The following TET2 variants were observed in gnomAD, a reference collection of about 807,000 sequenced individuals.
TET2 encodes the protein tet methylcytosine dioxygenase 2.
Under a neutral mutation model 142.9 loss-of-function variants are expected in TET2, and 299 were observed. The ratio of observed to expected loss-of-function variants is 2.09; its 90% CI spans 1.90 to 2.30. TET2 has a LOEUF of 2.30. Among genes scored for constraint, TET2 ranks in the 30% most tolerant of loss-of-function variants. The pLI is 0.00. For synonymous variants in TET2, 819 were observed against 849.0 expected, an observed-to-expected ratio of 0.96 and a Z score of 0.61; for missense variants, 2,418 against 2,378.0, an observed-to-expected ratio of 1.02 and a Z score of -0.35.
Position 105,235,323 on chromosome 4 carries a change from C to T in TET2, c.1381C>T (p.Gln461Ter). Residue 461 changes from glutamine to a stop codon, truncating the protein, a stop_gained, in exon 3 of 11, where the codon CAG (glutamine) becomes TAG (stop). Coordinates refer to ENST00000380013, the MANE Select transcript of TET2 (RefSeq NM_001127208.3). LOFTEE classifies it high-confidence loss of function. ...GGGTAAACCTGAGGCACCACCTTCCCAGAGTCCTAATCCATCTACACATGT... is the reference window on the plus strand; with the variant it reads ...GGGTAAACCTGAGGCACCACCTTCCTAGAGTCCTAATCCATCTACACATGT... Reference protein sequence around the residue: ...IEGKPEAPPSQSPNPSTHVCS... With the variant: ...IEGKPEAPPS The T allele has an allele frequency of 1.2e-6, 2 of 1,614,070 alleles. No individual in the cohort carries two copies. Among genetic ancestry groups the T allele is most frequent in the Non-Finnish European group, 1.7e-6 (2 of 1,179,990 alleles).
At chr4:105,163,852 AGAGTGTGTGTGTGT>A (rs1724008147) in intron 1 of TET2, among the ~76,000 whole-genome samples, 2 of 105,814 alleles carry the variant, frequency 1.9e-5, no homozygotes, top group Non-Finnish European at 4.0e-5. Context: ...AGAGAGAGAG[AGAGTGTGTGTGTGT>A]GTGTGTGTGT....
intron 3 of TET2, chr4:105,239,795 G>T (rs1166787633): frequency 4.4e-6 from 1 of 229,778 alleles, no homozygotes; most frequent in East Asian, 6.2e-5. Context: ...AGCCTGTCTT[G>T]GCTTTTGACA....
chr4:105,193,026 A>G (rs1351041908), intron 2 of TET2, among the ~76,000 whole-genome samples: 1 of 152,208 alleles, frequency 6.6e-6, no homozygotes, highest in African/African-American at 2.4e-5. Flanking sequence ...GAATCACAGT[A>G]TCTTATACAT....
rs1190585048 is a variant in TET2 at position 105,243,666 on chromosome 4, C to T, written c.3691C>T (p.Leu1231=). The T allele has an allele frequency of 1.3e-6, 2 of 1,551,570 alleles. No homozygotes were observed. The highest frequency in any genetic ancestry group is 1.7e-4 in the Middle Eastern group (1 of 5,990). Residue 1231 remains leucine, a synonymous_variant, in exon 6 of 11, where the codon CTG becomes TTG. Transcript: ENST00000380013. ...GGCTGCAGTGATTGTGATTCTCATCCTGGTGTGGGAAGGAATCCCGCTGTC... is the reference window on the plus strand; with the variant it reads ...GGCTGCAGTGATTGTGATTCTCATCTTGGTGTGGGAAGGAATCCCGCTGTC... ...CEAAVIVILI[L]VWEGIPLSLA... is the part of the protein sequence containing the mutation.
chr4:105,179,720 G>C (rs1202799079), intron 1 of TET2, among the ~76,000 whole-genome samples: 1 of 152,116 alleles, frequency 6.6e-6, no homozygotes, highest in Admixed American at 6.5e-5. Context: ...GGCTCTCTAG[G>C]TGACCTGTGT....
chr4:105,270,792 C>G (rs2110303089), intron 9 of TET2, among the ~76,000 whole-genome samples: 1 of 151,994 alleles, frequency 6.6e-6, no homozygotes, highest in Non-Finnish European at 1.5e-5. Context: ...GTTGAAAAAA[C>G]TATGAATCAA....
chr4:105,219,394 G>A (rs189337110), intron 2 of TET2, among the ~76,000 whole-genome samples: 1 of 152,234 alleles, frequency 6.6e-6, no homozygotes, highest in Admixed American at 6.5e-5. Flanking sequence ...AACATAGATG[G>A]CATGCCTTTT....
At chr4:105,212,551 A>T (rs1002430763) in intron 2 of TET2, among the ~76,000 whole-genome samples, 1 of 152,184 alleles carries the variant, frequency 6.6e-6, no homozygotes, top group Non-Finnish European at 1.5e-5. Flanking sequence ...TGCATACTAA[A>T]TCAAATTTGA....
intron 2 of TET2, among the ~76,000 whole-genome samples, chr4:105,228,124 T>C (rs1728292594): frequency 6.6e-6 from 1 of 152,158 alleles, no homozygotes; most frequent in Admixed American, 6.5e-5. Flanking sequence ...AGTGGGTTAC[T>C]GGATCATAAT....
intron 10 of TET2, among the ~76,000 whole-genome samples, chr4:105,273,528 A>G (rs947992565): frequency 5.9e-5 from 9 of 152,134 alleles, no homozygotes; most frequent in Admixed American, 5.9e-4. Context: ...ATATAGCAAA[A>G]TGATGCAAAT....
intron 1 of TET2, chr4:105,147,676 T>C (rs1723093465): frequency 2.0e-5 from 3 of 152,220 alleles, no homozygotes; most frequent in Non-Finnish European, 4.4e-5. Context: ...CTCACTTTTC[T>C]CAAGGTACAT....
chr4:105,226,854 A>G (rs1728223608), intron 2 of TET2, among the ~76,000 whole-genome samples: 2 of 152,154 alleles, frequency 1.3e-5, no homozygotes, highest in African/African-American at 4.8e-5. Flanking sequence ...CAACTCAAAA[A>G]CAGCCTAACA....
chr4:105,277,448 G>C lies in TET2; in HGVS notation c.*929G>C, dbSNP rs1731276019. The stretch of plus-strand genomic sequence containing the variant: ...TTGTCTACCTAAGCTTTGACAACTT[G>C]AACAATGCTAAGGTACTGAGATGTT... On this transcript the variant is annotated 3_prime_UTR_variant, in exon 11 of 11. Coordinates refer to ENST00000380013, the MANE Select transcript of TET2 (RefSeq NM_001127208.3). 1 of 226,340 alleles carries C rather than the reference G, an allele frequency of 4.4e-6. No individual in the cohort carries two copies. Among genetic ancestry groups the C allele is most frequent in the Non-Finnish European group, 8.8e-6 (1 of 113,884 alleles). 14.0% of individuals were successfully genotyped at this position (226,340 alleles called of 1,614,324 possible).
At chr4:105,175,298 A>C (rs760549536) in intron 1 of TET2, among the ~76,000 whole-genome samples, 2 of 152,190 alleles carry the variant, frequency 1.3e-5, no homozygotes, top group East Asian at 3.8e-4. Context: ...TTTATAAAAA[A>C]CTATGGTTAA....
In TET2 at chr4:105,272,850, A is replaced by G; in HGVS notation, c.4469A>G (p.Glu1490Gly). The G allele has an allele frequency of 6.4e-7, 1 of 1,551,260 alleles. No homozygotes were observed. The highest frequency in any genetic ancestry group is 8.7e-7 in the Non-Finnish European group (1 of 1,146,874). ...CTGGAGAACAGCTCAAATAAAAATG[A>G]AAAGGAAAAGTCAGCCCCATCACGT... ...SSLENSSNKN[E>G]KEKSAPSRTK... Residue 1490 changes from glutamate (E) to glycine (G), a missense_variant, in exon 10 of 11, where the codon GAA (glutamate) becomes GGA (glycine). By Grantham distance (98) the Glu-to-Gly change is moderately conservative. Coordinates refer to ENST00000380013, the MANE Select transcript of TET2 (RefSeq NM_001127208.3).
At chr4:105,261,996 A>C (rs980032261) in intron 8 of TET2, 148 bp downstream of exon 8, 2 of 585,876 alleles carry the variant, frequency 3.4e-6, no homozygotes, top group Non-Finnish European at 6.0e-6. Flanking sequence ...TTCAGTTTCG[A>C]GTATATAAAA....
chr4:105,217,867 C>T (rs1727587990), intron 2 of TET2, among the ~76,000 whole-genome samples: 1 of 151,922 alleles, frequency 6.6e-6, no homozygotes, highest in African/African-American at 2.4e-5. Context: ...TAATACTGCA[C>T]TTATAAAGAG....
chr4:105,241,355 AG>A lies in TET2; in HGVS notation c.3427del (p.Asp1143MetfsTer9). On this transcript the variant is annotated frameshift_variant, in exon 4 of 11. Coordinates refer to ENST00000380013, the MANE Select transcript of TET2 (RefSeq NM_001127208.3). LOFTEE classifies it high-confidence loss of function. ...TCTCAACAGAGCAAATTATTGAAAA[AG>A]ATGAAGGTCCTTTTTATACCCATCT... ...CRCVEQIIEK[D>X]EGPFYTHLGA... is the part of the protein sequence containing the mutation. The A allele has an allele frequency of 6.5e-7, 1 of 1,546,810 alleles. No homozygotes were observed. The highest frequency in any genetic ancestry group is 8.7e-7 in the Non-Finnish European group (1 of 1,145,170).
intron 6 of TET2, among the ~76,000 whole-genome samples, chr4:105,244,586 GTTTTTTT>G (rs566674796): frequency 3.0e-5 from 2 of 66,696 alleles, no homozygotes; most frequent in African/African-American, 4.1e-5. Flanking sequence ...ACACAGAAAT[GTTTTTTT>G]TTTTTTTTTT....
Sources: allele counts gnomAD v4.1 joint callset (sites outside exome capture counted in the v4.1 genomes callset), GRCh38; gene constraint gnomAD v4.1.1; transcripts MANE v1.5; gene names NCBI Gene and HGNC (gene_info 2026-07-23, HGNC 2026-07-21).